Variants in FGF13 observed in about 807,000 individuals in gnomAD.
The protein encoded by FGF13 is fibroblast growth factor homologous factor 2.
A neutral mutation model predicts 19.5 loss-of-function variants in FGF13; 2 were observed. The observed-to-expected ratio is 0.10, with a 90% CI of 0.04 to 0.32. The LOEUF (loss-of-function observed/expected upper bound fraction) is 0.32, where lower values mean the gene tolerates loss of function less well. Among genes scored for constraint, FGF13 ranks in the 10% least tolerant of loss-of-function variants. The probability of loss-of-function intolerance (pLI) is 1.00; values close to 1 mark genes in which losing one functional copy is unlikely to be tolerated. For synonymous variants in FGF13, 72 were observed against 76.9 expected (o/e 0.94, Z 0.33); for missense variants, 113 against 192.7 (o/e 0.59, Z 2.45).
intron 1 of FGF13, among the ~76,000 whole-genome samples, chrX:139,024,030 C>G (rs2092190417): frequency 9.0e-6 from 1 of 111,287 alleles, no homozygotes; most frequent in Admixed American, 9.6e-5. Context: ...AAATGTTTCT[C>G]CGGGCTTAAA....
intron 1 of FGF13, chrX:138,864,690 C>T (rs913198890): frequency 5.3e-5 from 6 of 112,752 alleles, no homozygotes; most frequent in Non-Finnish European, 1.1e-4. Context: ...AAAAGTGCAG[C>T]TTCTACCAGA....
intron 3 of FGF13, among the ~76,000 whole-genome samples, chrX:138,812,307 G>T (rs1461333338): frequency 1.8e-5 from 2 of 111,966 alleles, no homozygotes; most frequent in Admixed American, 1.9e-4. Context: ...ATCAGGTGAT[G>T]AACTTTGAGT....
At chrX:139,162,371 T>G (rs971842191) in intron 1 of FGF13, among the ~76,000 whole-genome samples, 4 of 112,167 alleles carry the variant, frequency 3.6e-5, no homozygotes, top group African/African-American at 1.3e-4. Flanking sequence ...CTGGACCCCT[T>G]CCTTACATCT....
At chrX:139,172,137 T>A (rs1256151031) in intron 1 of FGF13, among the ~76,000 whole-genome samples, 1 of 112,209 alleles carries the variant, frequency 8.9e-6, no homozygotes, top group African/African-American at 3.2e-5. Context: ...TTCTACTTTA[T>A]TTGCATTAAA....
chrX:138,740,861 A>C (rs1569380132), upstream of FGF13, among the ~76,000 whole-genome samples: 1 of 112,141 alleles, frequency 8.9e-6, no homozygotes, highest in Non-Finnish European at 1.9e-5. Flanking sequence ...TTTTGCACTA[A>C]CCCCTGCAAA....
intron 3 of FGF13, among the ~76,000 whole-genome samples, chrX:138,640,547 T>C (rs1372769126): frequency 8.9e-6 from 1 of 111,839 alleles, no homozygotes; most frequent in Non-Finnish European, 1.9e-5. Context: ...GCCAGGTTAA[T>C]AGACGAGTGG....
chrX:139,024,681 A>C (rs751869821), intron 1 of FGF13, among the ~76,000 whole-genome samples: 1 of 110,889 alleles, frequency 9.0e-6, no homozygotes, highest in African/African-American at 3.3e-5. Context: ...TCCAACTCAA[A>C]CCTTTAATGG....
At chrX:139,070,157 T>G (rs1431111564) in intron 1 of FGF13, among the ~76,000 whole-genome samples, 1 of 111,877 alleles carries the variant, frequency 8.9e-6, no homozygotes, top group Non-Finnish European at 1.9e-5. Context: ...AAAGAGCTTC[T>G]GCACAGCAAA....
At chrX:138,652,528 G>C (rs1235189344) in intron 3 of FGF13, among the ~76,000 whole-genome samples, 1 of 111,601 alleles carries the variant, frequency 9.0e-6, no homozygotes, top group Non-Finnish European at 1.9e-5. Flanking sequence ...AATCCTGGTA[G>C]CCTGGTACAG....
chrX:138,830,644 G>C (rs918415880), intron 3 of FGF13, among the ~76,000 whole-genome samples: 5 of 107,441 alleles, frequency 4.7e-5, no homozygotes, highest in Non-Finnish European at 9.6e-5. Flanking sequence ...AGAAAAGTTT[G>C]GAAAATTTGC....
intron 3 of FGF13, among the ~76,000 whole-genome samples, chrX:138,674,515 G>A (rs1480637282): frequency 1.8e-5 from 2 of 110,956 alleles, no homozygotes; most frequent in Non-Finnish European, 3.8e-5. Context: ...TATGAGGTCT[G>A]CATCACCTAA....
At chrX:138,704,558 T>C (rs1389195799) in intron 2 of FGF13, among the ~76,000 whole-genome samples, 1 of 112,370 alleles carries the variant, frequency 8.9e-6, no homozygotes, top group East Asian at 2.8e-4. Context: ...TGGGATCGTT[T>C]ATCTCTGTGC....
chrX:138,742,125 C>T (rs924294054), upstream of FGF13, among the ~76,000 whole-genome samples: 4 of 112,034 alleles, frequency 3.6e-5, no homozygotes, highest in Non-Finnish European at 7.5e-5. Context: ...TTGGTCCCCT[C>T]ACTGTAGCCA....
intron 3 of FGF13, among the ~76,000 whole-genome samples, chrX:138,751,966 T>C (rs1350807497): frequency 9.0e-6 from 1 of 111,629 alleles, no homozygotes; most frequent in Non-Finnish European, 1.9e-5. Context: ...AGGCCTAGAA[T>C]ATGGATAGCA....
intron 1 of FGF13, among the ~76,000 whole-genome samples, chrX:138,882,994 C>T (rs2091435292): frequency 9.0e-6 from 1 of 111,421 alleles, no homozygotes; most frequent in Non-Finnish European, 1.9e-5. Context: ...GCAGCCACCA[C>T]TGGCCTATGG....
chrX:139,016,590 A>C (rs990633258), intron 1 of FGF13, among the ~76,000 whole-genome samples: 1 of 112,257 alleles, frequency 8.9e-6, no homozygotes, highest in Non-Finnish European at 1.9e-5. Context: ...GGGAGGAGGA[A>C]AGTAAGGCAG....
intron 1 of FGF13, among the ~76,000 whole-genome samples, chrX:139,024,942 G>A (rs2092195280): frequency 9.0e-6 from 1 of 110,725 alleles, no homozygotes; most frequent in Non-Finnish European, 1.9e-5. Flanking sequence ...GGATGATCCT[G>A]GGGCATAGTT....
chrX:138,711,760 G>A, upstream of FGF13: 2 of 678,611 alleles, frequency 2.9e-6, no homozygotes, highest in Non-Finnish European at 3.5e-6. Context: ...CTCCCTCCCG[G>A]GGCTGAGCCC....
chrX:139,141,338 T>C (rs2083843724), intron 1 of FGF13, among the ~76,000 whole-genome samples: 1 of 112,233 alleles, frequency 8.9e-6, no homozygotes, highest in South Asian at 3.7e-4. Flanking sequence ...GCCTGGAATG[T>C]AGTAAATGTT....
Sources: allele counts gnomAD v4.1 joint callset (sites outside exome capture counted in the v4.1 genomes callset), GRCh38; gene constraint gnomAD v4.1.1; transcripts MANE v1.5; gene names NCBI Gene and HGNC (gene_info 2026-07-23, HGNC 2026-07-21).